The following MPC1 variants were observed in gnomAD, a reference collection of about 807,000 sequenced individuals.
MPC1 encodes the protein HSPC040 protein.
MPC1 carries 6 observed loss-of-function variants against 13.9 expected under a neutral mutation model. The ratio of observed to expected loss-of-function variants is 0.43; its 90% CI spans 0.24 to 0.85. The LOEUF is 0.85. MPC1 is among the 40% of genes least tolerant of loss of function. The pLI, the probability that MPC1 is intolerant of heterozygous loss-of-function variation, is 0.24. For synonymous variants in MPC1, 47 were observed against 50.5 expected, an observed-to-expected ratio of 0.93 and a Z score of 0.29; for missense variants, 115 against 143.3, an observed-to-expected ratio of 0.80 and a Z score of 1.01.
intron 1 of MPC1, among the ~76,000 whole-genome samples, chr6:166,371,721 C>T (rs577150973): frequency 6.6e-5 from 10 of 152,186 alleles, no homozygotes; most frequent in African/African-American, 1.4e-4. Flanking sequence ...GTGGATAATA[C>T]GGAACCCTAT....
rs11370568 is a variant in MPC1 at position 166,368,557 on chromosome 6, GAAAAAA to G, written c.75+1655_75+1660del. ...TGACAGAGCGAGACTCCGTCTCAGGGAAAAAAAAAAAAAAAAAAAGAAAATGACAAG... is the reference window on the plus strand; with the variant it reads ...TGACAGAGCGAGACTCCGTCTCAGGGAAAAAAAAAAAAAGAAAATGACAAG... On this transcript the variant is annotated intron_variant, in intron 2 of 4. Coordinates refer to ENST00000360961, the MANE Select transcript of MPC1 (RefSeq NM_016098.4). 2.0e-3 allele frequency among the ~76,000 whole-genome samples: 230 copies of G among 114,272 alleles called. 1 individual carries two copies. Among genetic ancestry groups the G allele is most frequent in the African/African-American group, 3.6e-3 (105 of 29,242 alleles). The allele number at this position is 114,272 out of a possible 152,430, so 75.0% of individuals were successfully genotyped here. A position where few individuals can be genotyped will look rare whatever the true frequency, so the allele number is the denominator to read the frequency against.
At chr6:166,367,276 AT>A in intron 2 of MPC1, 1 of 757,650 alleles carries the variant, frequency 1.3e-6, no homozygotes, top group Non-Finnish European at 1.6e-6. Context: ...TATTCTCCAT[AT>A]TTTTATGTTT....
At chr6:166,382,781 G>A (rs1468248703) in intron 1 of MPC1, 25 bp downstream of exon 1, 5 of 1,568,782 alleles carry the variant, frequency 3.2e-6, no homozygotes, top group Admixed American at 1.8e-5. Flanking sequence ...CCGGGTTGCG[G>A]GGTTCGGCCT....
intron 1 of MPC1, among the ~76,000 whole-genome samples, chr6:166,372,466 G>A (rs1378467775): frequency 6.6e-6 from 1 of 151,814 alleles, no homozygotes; most frequent in African/African-American, 2.4e-5. Context: ...ACACATGTAT[G>A]AGAATAAGGG....
At chr6:166,382,543 G>T (rs1440947549) in intron 1 of MPC1, among the ~76,000 whole-genome samples, 1 of 151,326 alleles carries the variant, frequency 6.6e-6, no homozygotes, top group Non-Finnish European at 1.5e-5. Context: ...TGTCACCCCC[G>T]CCCTGAGGGG....
intron 2 of MPC1, 36 bp downstream of exon 2, chr6:166,370,182 G>A (rs376361823): frequency 1.2e-5 from 9 of 780,732 alleles, no homozygotes; most frequent in African/African-American, 6.8e-5. Flanking sequence ...CAGAAAGTCT[G>A]CAAAAGCCTG....
At chr6:166,380,435 G>T (rs1006924014) in intron 1 of MPC1, among the ~76,000 whole-genome samples, 1 of 152,048 alleles carries the variant, frequency 6.6e-6, no homozygotes, top group African/African-American at 2.4e-5. Context: ...TCCTTATTTA[G>T]TCAAAGTGTA....
intron 1 of MPC1, 50 bp downstream of exon 1, chr6:166,382,756 C>A: frequency 6.5e-7 from 1 of 1,528,418 alleles, no homozygotes; most frequent in East Asian, 2.7e-5. Flanking sequence ...GGGTCGCAGC[C>A]TCCCGGGAGC....
At chr6:166,372,705 G>GA (rs971184436) in intron 1 of MPC1, among the ~76,000 whole-genome samples, 7 of 140,298 alleles carry the variant, frequency 5.0e-5, no homozygotes, top group Admixed American at 1.4e-4. Flanking sequence ...AACCAAATTA[G>GA]AAAAAAAAAT....
chr6:166,373,129 A>G (rs1396875672), intron 1 of MPC1, among the ~76,000 whole-genome samples: 2 of 152,174 alleles, frequency 1.3e-5, no homozygotes, highest in Non-Finnish European at 2.9e-5. Context: ...ATTTATCACA[A>G]TCACGAAACT....
intron 1 of MPC1, 104 bp from the exon 2 acceptor site, chr6:166,370,325 C>G (rs1490948331): frequency 3.1e-6 from 2 of 648,712 alleles, no homozygotes; most frequent in Non-Finnish European, 5.6e-6. Flanking sequence ...AACCTCACAC[C>G]TGTATTCAAA....
rs1304629845 is a variant in MPC1 at position 166,365,481 on chromosome 6, A to G, written c.306-28T>C. The G allele has an allele frequency of 4.5e-6, 7 of 1,559,658 alleles. No homozygotes were observed. Among genetic ancestry groups the G allele is most frequent in the East Asian group, 2.3e-5 (1 of 43,188 alleles). Reference sequence around the variant, plus strand: ...GGAAAGAAACAAAAAGAAAAATTCAATGAGAAACAAAATTTCAATGCCAAT... The same window carrying G: ...GGAAAGAAACAAAAAGAAAAATTCAGTGAGAAACAAAATTTCAATGCCAAT... On this transcript the variant is annotated intron_variant, in intron 4 of 4. Transcript: ENST00000360961. This position sits in a 1 kb window ranked among gnomAD's most constrained non-coding sequence, Gnocchi z 4.2.
At chr6:166,382,442 C>CGCCCACTGTCACCCCCGCCCTGAGGAGT (rs1779830356) in intron 1 of MPC1, among the ~76,000 whole-genome samples, 1 of 151,242 alleles carries the variant, frequency 6.6e-6, no homozygotes, top group Non-Finnish European at 1.5e-5. Context: ...CCTTGAGGGG[C>CGCCCACTGTCACCCCCGCCCTGAGGAGT]GCCCACTGTC....
chr6:166,366,833 T>C lies in MPC1; in HGVS notation c.134A>G (p.Lys45Arg). ...CCCACTGATAATCTCTGGAGACTTT[T>C]TCATATCATTGATGGCAGCAATGGG... is the stretch of plus-strand genomic sequence containing the variant. ...GLPIAAINDM[K>R]KSPEIISGRM... Residue 45 changes from lysine (K) to arginine (R), a missense_variant, in exon 3 of 5, where the codon AAA becomes AGA. Lys to Arg is a conservative substitution (Grantham distance 26). Coordinates refer to ENST00000360961, the MANE Select transcript of MPC1 (RefSeq NM_016098.4). 6.2e-7 allele frequency: 1 copy of C among 1,614,140 alleles called. No homozygotes were observed. The highest frequency in any genetic ancestry group is 8.5e-7 in the Non-Finnish European group (1 of 1,179,962).
rs1480374325 is a variant in MPC1 at position 166,370,759 on chromosome 6, A to C, written c.72-538T>G. Among the ~76,000 whole-genome samples, 3 of 152,252 alleles carry C rather than the reference A, an allele frequency of 2.0e-5. No homozygotes were observed. In the East Asian group the frequency reaches 5.8e-4, roughly 29 times the overall value. The stretch of plus-strand genomic sequence containing the variant: ...CTCCAGAGGATTGTTTGAGCCCAGG[A>C]GTTCAAGTCTGCAGTGAGGTATGAT... On this transcript the variant is annotated intron_variant, in intron 1 of 4. Coordinates refer to ENST00000360961, the MANE Select transcript of MPC1 (RefSeq NM_016098.4).
Position 166,365,506 on chromosome 6 carries a change from T to C in MPC1, c.306-53A>G. ...ATGAGAAACAAAATTTCAATGCCAA[T>C]CGCAAGGGCTTTGGATGGCTTTTAA... On this transcript the variant is annotated intron_variant, in intron 4 of 4. Transcript: ENST00000360961. The surrounding 1 kb of genome is among the most constrained non-coding windows in gnomAD (Gnocchi z 4.2). 6.8e-7 allele frequency: 1 copy of C among 1,467,394 alleles called. No homozygotes were observed. Among genetic ancestry groups the C allele is most frequent in the Admixed American group, 2.1e-5 (1 of 47,702 alleles). 90.9% of individuals were successfully genotyped at this position (1,467,394 alleles called of 1,614,324 possible).
chr6:166,381,266 T>C (rs938688630), intron 1 of MPC1, among the ~76,000 whole-genome samples: 3 of 152,244 alleles, frequency 2.0e-5, no homozygotes, highest in African/African-American at 7.2e-5. Context: ...TATTTAAGCA[T>C]AGAAATGTCT....
At chr6:166,371,885 T>A (rs1259452115) in intron 1 of MPC1, among the ~76,000 whole-genome samples, 6 of 152,194 alleles carry the variant, frequency 3.9e-5, no homozygotes, top group Admixed American at 1.3e-4. Flanking sequence ...GGTTACTCTC[T>A]CTTTCACAAT....
Position 166,365,983 on chromosome 6 carries a change from A to G in MPC1, c.296T>C (p.Ile99Thr). 2 of 1,612,928 alleles carry G rather than the reference A, an allele frequency of 1.2e-6. No homozygotes were observed. The highest frequency in any genetic ancestry group is 1.7e-6 in the Non-Finnish European group (2 of 1,179,314). Residue 99 changes from isoleucine (I) to threonine (T), a missense_variant, in exon 4 of 5, where the codon ATC becomes ACC. Physicochemically the swap from Ile to Thr is moderately conservative, Grantham distance 89. Transcript: ENST00000360961. This position sits in a 1 kb window ranked among gnomAD's most constrained non-coding sequence, Gnocchi z 4.2. ...VAQLIQGGRL[I>T]KHEMTKTASA ...ATTGAAATCTGCTTACTCGTGTTTG[A>G]TAAGCCGCCCTCCCTGGATGAGCTG... is the stretch of plus-strand genomic sequence containing the variant.
Sources: gnomAD v4.1 joint callset for allele counts (sites outside exome capture counted in the v4.1 genomes callset) on GRCh38, gnomAD v4.1.1 for gene constraint, Gnocchi (gnomAD v3.1) non-coding constraint, MANE v1.5 for transcripts, NCBI Gene and HGNC (gene_info 2026-07-23, HGNC 2026-07-21) for gene names.